Variants in EPB41L3 observed in about 807,000 individuals in gnomAD.
The protein encoded by EPB41L3 is erythrocyte membrane protein band 4.1 like 3, also known as band 4.1-like protein 3.
In EPB41L3, 57 loss-of-function variants were observed where a neutral mutation model predicts 127.1. That is an observed-to-expected ratio of 0.45 (90% CI 0.36 to 0.56). The LOEUF (loss-of-function observed/expected upper bound fraction) is 0.56, where lower values mean the gene tolerates loss of function less well. Among genes scored for constraint, EPB41L3 ranks in the 20% least tolerant of loss-of-function variants. The pLI is 0.00. For missense variants in EPB41L3, 1,273 were observed against 1,372.2 expected (o/e 0.93, Z 1.14); for synonymous variants, 572 against 549.5 (o/e 1.04, Z -0.57).
At chr18:5,545,348 G>A (rs549473099), upstream of EPB41L3, among the ~76,000 whole-genome samples, 53 of 152,212 alleles carry the variant, frequency 3.5e-4, no homozygotes, top group African/African-American at 1.3e-3. Context: ...TACAGAACAC[G>A]TGCCTCTGGG....
chr18:5,621,566 T>C (rs553691648), intron 1 of EPB41L3, among the ~76,000 whole-genome samples: 3 of 152,192 alleles, frequency 2.0e-5, no homozygotes, highest in Admixed American at 2.0e-4. Context: ...CAGCAAGACC[T>C]CATCTCTACA....
At chr18:5,432,847 A>C (rs1412848856) in intron 8 of EPB41L3, among the ~76,000 whole-genome samples, 1 of 152,216 alleles carries the variant, frequency 6.6e-6, no homozygotes, top group Non-Finnish European at 1.5e-5. Context: ...TTAAAACAAC[A>C]ACCTTATTTC....
intron 1 of EPB41L3, among the ~76,000 whole-genome samples, chr18:5,494,912 T>C (rs753995399): frequency 2.0e-5 from 3 of 152,098 alleles, no homozygotes; most frequent in Non-Finnish European, 4.4e-5. Context: ...GGAGACATCA[T>C]CTTGTTACTC....
At chr18:5,487,127 A>G (rs1246014243) in intron 2 of EPB41L3, among the ~76,000 whole-genome samples, 3 of 152,174 alleles carry the variant, frequency 2.0e-5, no homozygotes, top group South Asian at 2.1e-4. Context: ...TATACACCCA[A>G]TGAAATATTA....
rs541134510 is a variant in EPB41L3 at position 5,479,176 on chromosome 18, T to C, written c.184-738A>G. ...ACATTCTCCCGTATACCAATCTCTT[T>C]GGAAATGTGCACACAGATCTCCAAC... On this transcript the variant is annotated intron_variant, in intron 2 of 22. Transcript: ENST00000341928. 3.9e-5 allele frequency among the ~76,000 whole-genome samples: 6 copies of C among 152,314 alleles called. No homozygotes were observed. In the South Asian group the frequency reaches 1.0e-3, roughly 26 times the overall value.
Position 5,401,844 on chromosome 18 carries a change from T to C in EPB41L3, c.2350-3701A>G, listed in dbSNP as rs562882668. On this transcript the variant is annotated intron_variant, in intron 16 of 22. Coordinates refer to ENST00000341928, the MANE Select transcript of EPB41L3 (RefSeq NM_012307.5). ...CAATACATTAGCTACCAAGCCTAAG[T>C]TGAACCAAGCGTTCAACTTCACAGA... Among the ~76,000 whole-genome samples the C allele has an allele frequency of 2.0e-5, 3 of 152,228 alleles. No homozygotes were observed. In the East Asian group the frequency reaches 5.8e-4, roughly 29 times the overall value.
intron 16 of EPB41L3, among the ~76,000 whole-genome samples, chr18:5,401,751 A>G (rs969096347): frequency 5.9e-5 from 9 of 152,148 alleles, no homozygotes; most frequent in Admixed American, 5.9e-4. Context: ...CATGTTAGGA[A>G]TTAGGTTTTT....
At chr18:5,453,103 T>C (rs1251851263) in intron 3 of EPB41L3, among the ~76,000 whole-genome samples, 3 of 152,176 alleles carry the variant, frequency 2.0e-5, no homozygotes, top group Admixed American at 6.5e-5. Flanking sequence ...CCCAAGACAA[T>C]GAGTGCAAAA....
At chr18:5,545,642 C>A (rs190168453), upstream of EPB41L3, among the ~76,000 whole-genome samples, 1 of 152,238 alleles carries the variant, frequency 6.6e-6, no homozygotes, top group East Asian at 1.9e-4. Flanking sequence ...AATCTTATGG[C>A]TCTGCAAAGA....
chr18:5,621,447 C>T (rs573062481), intron 1 of EPB41L3, among the ~76,000 whole-genome samples: 1 of 152,164 alleles, frequency 6.6e-6, no homozygotes, highest in Non-Finnish European at 1.5e-5. Flanking sequence ...CTAAAGTGCT[C>T]TTTTAAAAAC....
At chr18:5,393,555 G>T in intron 22 of EPB41L3, 77 bp from the exon 23 acceptor site, 1 of 687,846 alleles carries the variant, frequency 1.5e-6, no homozygotes, top group Non-Finnish European at 2.6e-6. Context: ...CACAAAAAAA[G>T]TATCCTGGAA....
At chr18:5,602,825 AG>A (rs1221563152) in intron 3 of EPB41L3, among the ~76,000 whole-genome samples, 10 of 152,242 alleles carry the variant, frequency 6.6e-5, no homozygotes, top group African/African-American at 2.4e-4. Flanking sequence ...TTTTAAATAT[AG>A]GACTTTAGGA....
chr18:5,478,416 A>G lies in EPB41L3; in HGVS notation c.206T>C (p.Phe69Ser). ...GAGCTGTTTTGCAGCCCTGGCAGCAAACTCCTGTTCCTTGTCAGTGACCTG... is the reference window on the plus strand; with the variant it reads ...GAGCTGTTTTGCAGCCCTGGCAGCAGACTCCTGTTCCTTGTCAGTGACCTG... ...RREVTDKEQE[F>S]AARAAKQLEY... Residue 69 changes from phenylalanine (F) to serine (S), a missense_variant, in exon 3 of 23, where the codon TTT becomes TCT. Phe to Ser is a radical substitution (Grantham distance 155). Around this residue, in one of 3 missense-constraint regions of EPB41L3, gnomAD observed 182 missense variants for 149.2 expected, o/e 1.22. Transcript: ENST00000341928. 2 of 1,614,166 alleles carry G rather than the reference A, an allele frequency of 1.2e-6. No homozygotes were observed. Among genetic ancestry groups the G allele is most frequent in the Non-Finnish European group, 1.7e-6 (2 of 1,180,022 alleles).
In EPB41L3 at chr18:5,393,353, A is replaced by G. The variant is rs1033750927; in HGVS notation, c.*132T>C. On this transcript the variant is annotated 3_prime_UTR_variant, in exon 23 of 23. Transcript: ENST00000341928. ...GTGTCTTTATTAATGGTCAAGGTCA[A>G]TTCTTCTGGACTGAAATTTTCCACG... 5.3e-6 allele frequency: 3 copies of G among 568,114 alleles called. No homozygotes were observed. Among genetic ancestry groups the G allele is most frequent in the Non-Finnish European group, 6.3e-6 (2 of 318,816 alleles). The allele number at this position is 568,114 out of a possible 1,614,324, so 35.2% of individuals were successfully genotyped here.
At chr18:5,464,337 C>T (rs1382748737) in intron 3 of EPB41L3, among the ~76,000 whole-genome samples, 2 of 152,114 alleles carry the variant, frequency 1.3e-5, no homozygotes, top group African/African-American at 2.4e-5. Context: ...CAATCTGAAC[C>T]ACCACTGAGG....
chr18:5,490,097 AT>A (rs572671530), intron 1 of EPB41L3, among the ~76,000 whole-genome samples: 12 of 152,134 alleles, frequency 7.9e-5, no homozygotes, highest in Non-Finnish European at 1.8e-4. Flanking sequence ...TTGCTATTAC[AT>A]TTTTTTCTCC....
intron 8 of EPB41L3, chr18:5,429,396 G>C (rs1049059835): frequency 6.6e-6 from 1 of 152,152 alleles, no homozygotes; most frequent in Admixed American, 6.5e-5. Flanking sequence ...CTTTAAGTCA[G>C]GGTAAAACGA....
At chr18:5,426,020 C>T (rs2078130594) in intron 9 of EPB41L3, among the ~76,000 whole-genome samples, 1 of 152,184 alleles carries the variant, frequency 6.6e-6, no homozygotes, top group South Asian at 2.1e-4. Context: ...CTCTGAAACT[C>T]ATCTCCTGGT....
chr18:5,398,771 T>C (rs77086752), intron 16 of EPB41L3: 4,071 of 399,454 alleles, frequency 0.01, 152 homozygotes, highest in African/African-American at 0.076. Context: ...GGCCCACTTT[T>C]AAGACCTCAC....
Sources: gnomAD v4.1 joint callset for allele counts (sites outside exome capture counted in the v4.1 genomes callset) on GRCh38, gnomAD v4.1.1 for gene constraint, gnomAD v4.1.1 regional missense constraint, MANE v1.5 for transcripts, NCBI Gene and HGNC (gene_info 2026-07-23, HGNC 2026-07-21) for gene names.